ZNF385B: variants seen among roughly 807,000 people sequenced by gnomAD.
ZNF385B encodes zinc finger protein 533.
Under a neutral mutation model 39.2 loss-of-function variants are expected in ZNF385B, and 23 were observed. The observed-to-expected ratio is 0.59, with a 90% CI of 0.42 to 0.83. The LOEUF (loss-of-function observed/expected upper bound fraction) is 0.83, where lower values mean the gene tolerates loss of function less well. Among genes scored for constraint, ZNF385B ranks in the 40% least tolerant of loss-of-function variants. ZNF385B has a pLI of 0.00. For synonymous variants in ZNF385B, 205 were observed against 222.6 expected, an observed-to-expected ratio of 0.92 and a Z score of 0.70; for missense variants, 552 against 598.9, an observed-to-expected ratio of 0.92 and a Z score of 0.82.
At chr2:179,582,936 G>T (rs1183213017) in intron 3 of ZNF385B, among the ~76,000 whole-genome samples, 1 of 152,128 alleles carries the variant, frequency 6.6e-6, no homozygotes, top group Non-Finnish European at 1.5e-5. Context: ...TGCAACCTCT[G>T]CCTCCTGGGT....
At chr2:179,700,461 T>C (rs1436846329) in intron 3 of ZNF385B, among the ~76,000 whole-genome samples, 1 of 138,830 alleles carries the variant, frequency 7.2e-6, no homozygotes, top group Non-Finnish European at 1.6e-5. Flanking sequence ...AGGGGCTCCC[T>C]GGTCTTGAGT....
chr2:179,517,526 ATTT>A (rs1234097811), intron 5 of ZNF385B, among the ~76,000 whole-genome samples: 1 of 149,880 alleles, frequency 6.7e-6, no homozygotes, highest in Non-Finnish European at 1.5e-5. Context: ...AATGACTATG[ATTT>A]TTTATTATGC....
chr2:179,861,395 G>T lies in ZNF385B; in HGVS notation c.-449C>A, dbSNP rs1258498362. On this transcript the variant is annotated 5_prime_UTR_variant, in exon 1 of 10. Transcript: ENST00000410066. ...GCTGAGCGCCTGCGCACCGGGCCTC[G>T]CCCAGGTGAGGGGCGTGTGCCCGGA... 2 of 150,218 alleles carry T rather than the reference G, an allele frequency of 1.3e-5. No individual in the cohort carries two copies. Among genetic ancestry groups the T allele is most frequent in the Non-Finnish European group, 3.0e-5 (2 of 67,376 alleles). 9.3% of individuals were successfully genotyped at this position (150,218 alleles called of 1,614,324 possible). A position where few individuals can be genotyped will look rare whatever the true frequency, so the allele number is the denominator to read the frequency against.
chr2:179,445,833 C>T (rs139227051), intron 7 of ZNF385B, 105 bp from the exon 8 acceptor site: 63,622 of 1,129,826 alleles, frequency 0.056, 2,137 homozygotes, highest in Middle Eastern at 0.08. Flanking sequence ...ATTCCCAATG[C>T]TTTTTTAAAA....
intron 3 of ZNF385B, among the ~76,000 whole-genome samples, chr2:179,673,347 G>C (rs1050811612): frequency 2.0e-5 from 3 of 151,962 alleles, no homozygotes; most frequent in Non-Finnish European, 4.4e-5. Flanking sequence ...ATGAGCAAAA[G>C]ACAGAAACAG....
intron 6 of ZNF385B, among the ~76,000 whole-genome samples, chr2:179,447,405 T>C (rs1239017912): frequency 6.6e-6 from 1 of 152,198 alleles, no homozygotes; most frequent in African/African-American, 2.4e-5. Context: ...AATAATGACA[T>C]TAACCATAAG....
chr2:179,707,835 AATAG>A (rs1699728396), intron 3 of ZNF385B, among the ~76,000 whole-genome samples: 1 of 152,242 alleles, frequency 6.6e-6, no homozygotes, highest in African/African-American at 2.4e-5. Context: ...CTGCTGAGAA[AATAG>A]ATAAACAGCC....
At chr2:179,538,414 T>C (rs966955638) in intron 4 of ZNF385B, among the ~76,000 whole-genome samples, 2 of 152,144 alleles carry the variant, frequency 1.3e-5, no homozygotes, top group African/African-American at 2.4e-5. Context: ...ATGGGAAGCA[T>C]AGCACGAATT....
At chr2:179,620,958 C>T (rs1690159617) in intron 3 of ZNF385B, among the ~76,000 whole-genome samples, 1 of 152,012 alleles carries the variant, frequency 6.6e-6, no homozygotes, top group Non-Finnish European at 1.5e-5. Flanking sequence ...AGATACTGTC[C>T]TTTATTTTCT....
chr2:179,611,379 C>T (rs997635930), intron 3 of ZNF385B, among the ~76,000 whole-genome samples: 3 of 151,060 alleles, frequency 2.0e-5, no homozygotes, highest in Admixed American at 6.6e-5. Context: ...ATCCTTGAAT[C>T]CCTGGGATAA....
chr2:179,473,093 C>T (rs1029054823), intron 6 of ZNF385B, among the ~76,000 whole-genome samples: 2 of 152,074 alleles, frequency 1.3e-5, no homozygotes, highest in Non-Finnish European at 2.9e-5. Flanking sequence ...CCAGGGGCTG[C>T]AGGGGACATA....
intron 1 of ZNF385B, among the ~76,000 whole-genome samples, chr2:179,848,837 T>C (rs1359407048): frequency 2.6e-5 from 4 of 152,140 alleles, no homozygotes; most frequent in African/African-American, 9.7e-5. Context: ...CCAAGGAAGC[T>C]TCTTCAGGAC....
intron 6 of ZNF385B, among the ~76,000 whole-genome samples, chr2:179,467,414 C>T (rs1324870067): frequency 6.6e-6 from 1 of 152,146 alleles, no homozygotes; most frequent in Non-Finnish European, 1.5e-5. Flanking sequence ...CCTTTGGAAA[C>T]AGAAAACATT....
At position 179,790,954 on chromosome 2, in the gene ZNF385B, G is replaced by A. The variant is rs544597577; in HGVS notation, c.-154-20282C>T. On this transcript the variant is annotated intron_variant, in intron 1 of 9. Transcript: ENST00000410066. The stretch of plus-strand genomic sequence containing the variant: ...TATCAGCTGCATTTTATTGCCTTGG[G>A]AAAATGATTTGCTCTGATCCTTCTG... 3.3e-5 allele frequency among the ~76,000 whole-genome samples: 5 copies of A among 152,240 alleles called. No individual in the cohort carries two copies. In the East Asian group the frequency reaches 7.7e-4, roughly 23 times the overall value.
At chr2:179,689,684 T>A (rs149092124) in intron 3 of ZNF385B, among the ~76,000 whole-genome samples, 48 of 152,226 alleles carry the variant, frequency 3.2e-4, no homozygotes, top group Non-Finnish European at 6.2e-4. Context: ...ACTGACTACA[T>A]CAGTGCCTCC....
At chr2:179,854,679 C>T (rs1684441313) in intron 1 of ZNF385B, among the ~76,000 whole-genome samples, 1 of 152,182 alleles carries the variant, frequency 6.6e-6, no homozygotes, top group Admixed American at 6.5e-5. Flanking sequence ...AAAATCACAG[C>T]TCTCTGTAGA....
At chr2:179,685,433 T>C (rs772905410) in intron 3 of ZNF385B, among the ~76,000 whole-genome samples, 8 of 152,212 alleles carry the variant, frequency 5.3e-5, no homozygotes, top group African/African-American at 9.6e-5. Flanking sequence ...GCCAAAGGAA[T>C]TGAGGTTTAA....
chr2:179,852,980 G>A (rs745480524), intron 1 of ZNF385B, among the ~76,000 whole-genome samples: 4 of 152,104 alleles, frequency 2.6e-5, no homozygotes, highest in Non-Finnish European at 5.9e-5. Flanking sequence ...TCTTCATTTT[G>A]AGTCTTAAAT....
At chr2:179,515,820 A>C (rs2058051146) in intron 5 of ZNF385B, among the ~76,000 whole-genome samples, 1 of 152,176 alleles carries the variant, frequency 6.6e-6, no homozygotes, top group Admixed American at 6.6e-5. Flanking sequence ...TATTCAGCTT[A>C]ATGAATTTTG....
Sources: gnomAD v4.1 joint callset for allele counts (sites outside exome capture counted in the v4.1 genomes callset) on GRCh38, gnomAD v4.1.1 for gene constraint, MANE v1.5 for transcripts, NCBI Gene and HGNC (gene_info 2026-07-23, HGNC 2026-07-21) for gene names.